Variants in TACC2 observed in about 807,000 individuals in gnomAD.
The protein encoded by TACC2 is transforming acidic coiled-coil containing protein 2.
In TACC2, 137 loss-of-function variants were observed where a neutral mutation model predicts 227.3. The ratio of observed to expected loss-of-function variants is 0.60; its 90% confidence interval spans 0.52 to 0.69. The LOEUF is 0.69. Among genes scored for constraint, TACC2 ranks in the 30% least tolerant of loss-of-function variants. The pLI is 0.00. For missense variants in TACC2, 3,470 were observed against 3,694.4 expected (o/e 0.94, Z 1.57); for synonymous variants, 1,523 against 1,487.5 (o/e 1.02, Z -0.55).
At position 122,211,142 on chromosome 10, in the gene TACC2, C is replaced by A; in HGVS notation, c.6717C>A (p.Ala2239=). ...GGAAAACGCTGCCTCTTACCACGGCCCCGGAGGCAGGGGAGGTAACCCCAT... is the reference window on the plus strand; with the variant it reads ...GGAAAACGCTGCCTCTTACCACGGCACCGGAGGCAGGGGAGGTAACCCCAT... ...VGRKTLPLTT[A]PEAGEVTPSD... is the part of the protein sequence containing the mutation. Residue 2239 remains alanine, a synonymous_variant, in exon 9 of 23, where the codon GCC becomes GCA. Coordinates refer to ENST00000369005, the MANE Select transcript of TACC2 (RefSeq NM_206862.4). The A allele has an allele frequency of 6.2e-7, 1 of 1,609,548 alleles. No homozygotes were observed. The highest frequency in any genetic ancestry group is 8.5e-7 in the Non-Finnish European group (1 of 1,177,990).
intron 2 of TACC2, among the ~76,000 whole-genome samples, chr10:122,031,295 T>C (rs953853618): frequency 3.3e-5 from 5 of 152,076 alleles, no homozygotes; most frequent in Admixed American, 1.3e-4. Flanking sequence ...TCTACTTTCC[T>C]TTGTGATTCC....
rs757374526 is a variant in TACC2 at position 122,227,890 on chromosome 10, A to G, written c.7778A>G (p.His2593Arg). The change falls in exon 14 of 23, where the codon CAT becomes CGT. Residue 2593 changes from histidine to arginine, a missense_variant. His to Arg is a conservative substitution (Grantham distance 29). Coordinates refer to ENST00000369005, the MANE Select transcript of TACC2 (RefSeq NM_206862.4). ...GTGAACACTGCTGCGAAAAACCAGC[A>G]TCCTGTCCCACGAGGACTGGCCCCT... is the stretch of plus-strand genomic sequence containing the variant. ...ALVNTAAKNQ[H>R]PVPRGLAPNQ... 3 of 1,614,246 alleles carry G rather than the reference A, an allele frequency of 1.9e-6. No homozygotes were observed. Among genetic ancestry groups the G allele is most frequent in the Non-Finnish European group, 2.5e-6 (3 of 1,180,054 alleles).
In TACC2 at chr10:122,013,223, C is replaced by T. The variant is rs546018837; in HGVS notation, c.-45-8714C>T. On this transcript the variant is annotated intron_variant, in intron 1 of 22. Transcript: ENST00000369005. The stretch of plus-strand genomic sequence containing the variant: ...TTTCTACATCAAAATTTCTAGGTGG[C>T]CTCCAAGGTGGAGGAAAGGAAGAAA... Among the ~76,000 whole-genome samples the T allele has an allele frequency of 2.6e-5, 4 of 152,172 alleles. No individual in the cohort carries two copies. In the South Asian group the frequency reaches 8.3e-4, roughly 32 times the overall value.
In TACC2 at chr10:122,083,652, GC is replaced by G. The variant is rs1230121690; in HGVS notation, c.1155del (p.Asn386IlefsTer18). The stretch of plus-strand genomic sequence containing the variant: ...CACAGACAGGGATGCGAGGAACCAA[GC>G]CCAATCAAGTTGTCTGTGTGGCAGC... Reference protein sequence around the residue: ...HPQTGMRGTKPNQVVCVAAGG... With the variant: ...HPQTGMRGTKXNQVVCVAAGG... On this transcript the variant is annotated frameshift_variant, in exon 4 of 23. Transcript: ENST00000369005. LOFTEE classifies it high-confidence loss of function. 1.2e-6 allele frequency: 2 copies of G among 1,611,218 alleles called. No individual in the cohort carries two copies. Among genetic ancestry groups the G allele is most frequent in the Admixed American group, 3.3e-5 (2 of 60,022 alleles).
At chr10:122,099,169 G>A (rs2081852342) in intron 5 of TACC2, among the ~76,000 whole-genome samples, 2 of 152,202 alleles carry the variant, frequency 1.3e-5, no homozygotes, top group Admixed American at 6.5e-5. Context: ...AAGTCATCTG[G>A]CCCTGCCTGC....
intron 2 of TACC2, among the ~76,000 whole-genome samples, chr10:122,038,940 G>A (rs1340278529): frequency 6.6e-6 from 1 of 152,240 alleles, no homozygotes; most frequent in African/African-American, 2.4e-5. Flanking sequence ...AACATTGGCG[G>A]GGGACACAAG....
chr10:122,138,432 C>T (rs1376119193), intron 6 of TACC2, among the ~76,000 whole-genome samples: 1 of 152,146 alleles, frequency 6.6e-6, no homozygotes, highest in East Asian at 1.9e-4. Context: ...ATTGCTTGAA[C>T]CTGGGAGGCG....
chr10:122,233,451 A>T (rs757251096), intron 16 of TACC2, among the ~76,000 whole-genome samples: 1 of 152,232 alleles, frequency 6.6e-6, no homozygotes, highest in Non-Finnish European at 1.5e-5. Context: ...GGCAAGTCCT[A>T]GCAAGAGGCC....
intron 5 of TACC2, among the ~76,000 whole-genome samples, chr10:122,099,713 A>G (rs2081927836): frequency 6.6e-6 from 1 of 151,578 alleles, no homozygotes; most frequent in Admixed American, 6.6e-5. Flanking sequence ...CACAGAGGCT[A>G]CAGCTTAACT....
rs563529730 is a variant in TACC2, at chr10:122,132,889, A to G, written c.5699+155A>G. 1.1e-4 allele frequency among the ~76,000 whole-genome samples: 16 copies of G among 151,920 alleles called. No homozygotes were observed. The South Asian group carries it at 1.9e-3, about 18-fold the overall frequency. On this transcript the variant is annotated intron_variant, in intron 6 of 22. Coordinates refer to ENST00000369005, the MANE Select transcript of TACC2 (RefSeq NM_206862.4). ...ACACAGGGTGTGCACACCTGTCCTG[A>G]ACAGGTGTGTGCCAGAGTTGGGGCC... is the stretch of plus-strand genomic sequence containing the variant.
rs111712395 is a variant in TACC2, at chr10:122,132,737, A to G, written c.5699+3A>G. On this transcript the variant is annotated splice_donor_region_variant and intron_variant, in intron 6 of 22. Transcript: ENST00000369005. ...TCTACGGATCTGATAGCCCAGAGGT[A>G]CGGTGGGGGCCCTGGAGCTGGTGAT... The G allele has an allele frequency of 1.2e-6, 2 of 1,613,938 alleles. No individual in the cohort carries two copies. The highest frequency in any genetic ancestry group is 1.7e-6 in the Non-Finnish European group (2 of 1,179,964).
chr10:122,197,533 T>C (rs7069845), intron 8 of TACC2, among the ~76,000 whole-genome samples: 10,167 of 152,290 alleles, frequency 0.067, 1,125 homozygotes, highest in African/African-American at 0.23. Flanking sequence ...ACATCCATCT[T>C]TTTCTTAGAT....
At chr10:122,031,126 G>T (rs775853120) in intron 2 of TACC2, among the ~76,000 whole-genome samples, 1 of 152,124 alleles carries the variant, frequency 6.6e-6, no homozygotes, top group Non-Finnish European at 1.5e-5. Context: ...CTTTTTTTAA[G>T]GTTGTAAGAG....
Position 122,088,358 on chromosome 10 carries a change from T to TTC in TACC2, c.5460-119_5460-118insCT, listed in dbSNP as rs1165158234. ...CAGGGGGCCCTTTTTCCTAGGGATT[T>TTC]TTTTTTTTGTAGTAGCCACTTAAAA... On this transcript the variant is annotated intron_variant, in intron 4 of 22. Transcript: ENST00000369005. 24 of 961,644 alleles carry TTC rather than the reference T, an allele frequency of 2.5e-5. 1 individual carries two copies. The highest frequency in any genetic ancestry group is 3.1e-5 in the Non-Finnish European group (21 of 668,924). 59.6% of individuals were successfully genotyped at this position (961,644 alleles called of 1,614,324 possible).
At chr10:122,199,795 A>G (rs2094718079) in intron 8 of TACC2, among the ~76,000 whole-genome samples, 1 of 152,186 alleles carries the variant, frequency 6.6e-6, no homozygotes, top group Non-Finnish European at 1.5e-5. Context: ...AGCTCAGGGC[A>G]CTGGCAGATT....
chr10:122,224,875 C>T, intron 12 of TACC2, 88 bp downstream of exon 12: 3 of 1,093,656 alleles, frequency 2.7e-6, no homozygotes, highest in South Asian at 2.6e-5. Flanking sequence ...TCTGGGAGCT[C>T]AGACCCCAAA....
At chr10:122,161,940 G>A (rs911027011) in intron 7 of TACC2, among the ~76,000 whole-genome samples, 11 of 152,106 alleles carry the variant, frequency 7.2e-5, no homozygotes, top group African/African-American at 2.4e-4. Flanking sequence ...AAACCCCCAG[G>A]GTGCTGAGAA....
intron 18 of TACC2, 126 bp downstream of exon 18, chr10:122,238,163 C>A: frequency 1.5e-6 from 1 of 670,418 alleles, no homozygotes; most frequent in Non-Finnish European, 2.6e-6. Flanking sequence ...TTATTACACA[C>A]AGTTCATATT....
rs1250192833 is a variant in TACC2 at position 122,005,382 on chromosome 10, C to CTTTT, written c.-46+15907_-46+15910dup. 2.1e-4 allele frequency among the ~76,000 whole-genome samples: 25 copies of CTTTT among 119,202 alleles called. 1 individual carries two copies. Among genetic ancestry groups the CTTTT allele is most frequent in the Admixed American group, 5.3e-4 (6 of 11,360 alleles). 78.2% of individuals were successfully genotyped at this position (119,202 alleles called of 152,430 possible). The stretch of plus-strand genomic sequence containing the variant: ...TACAGGTGTGAGCCACCACGCCCAG[C>CTTTT]TTTTTTTTTTTTTTTTGAGACAGAG... On this transcript the variant is annotated intron_variant, in intron 1 of 22. Transcript: ENST00000369005.
Sources: gnomAD v4.1 joint callset for allele counts (sites outside exome capture counted in the v4.1 genomes callset) on GRCh38, gnomAD v4.1.1 for gene constraint, MANE v1.5 for transcripts, NCBI Gene and HGNC (gene_info 2026-07-23, HGNC 2026-07-21) for gene names.